DGKD: variants seen among roughly 807,000 people sequenced by gnomAD.
DGKD encodes the protein DAG kinase delta.
In DGKD, 68 loss-of-function variants were observed where a neutral mutation model predicts 154.4. The observed-to-expected ratio is 0.44, with a 90% confidence interval of 0.36 to 0.54. The LOEUF is 0.54. Among genes scored for constraint, DGKD ranks in the 20% least tolerant of loss-of-function variants. DGKD has a pLI of 0.00. For missense variants in DGKD, 1,343 were observed against 1,593.6 expected (o/e 0.84, Z 2.68); for synonymous variants, 693 against 638.0 (o/e 1.09, Z -1.30).
Position 233,388,246 on chromosome 2 carries a change from T to A in DGKD, c.157-11T>A. The A allele has an allele frequency of 6.2e-7, 1 of 1,608,436 alleles. No individual in the cohort carries two copies. Among genetic ancestry groups the A allele is most frequent in the Non-Finnish European group, 8.5e-7 (1 of 1,178,642 alleles). On this transcript the variant is annotated splice_polypyrimidine_tract_variant and intron_variant, in intron 1 of 29. Coordinates refer to ENST00000264057, the MANE Select transcript of DGKD (RefSeq NM_152879.3). ...AAACGCAAGTTTATGAATATGTTTC[T>A]GTACTTTCAGACCATCATCAAAGAG...
chr2:233,447,831 C>T (rs533667744), intron 12 of DGKD: 351 of 1,295,342 alleles, frequency 2.7e-4, no homozygotes, highest in Middle Eastern at 1.2e-3. Context: ...GTGCTGGGAT[C>T]GCAGACTGAA....
intron 3 of DGKD, among the ~76,000 whole-genome samples, chr2:233,424,144 C>T (rs1208390712): frequency 2.0e-5 from 3 of 152,170 alleles, no homozygotes; most frequent in Admixed American, 6.5e-5. Context: ...TTGTGGTCCC[C>T]GGGCCTCACA....
At chr2:233,359,245 C>T (rs1410348627) in intron 1 of DGKD, among the ~76,000 whole-genome samples, 1 of 152,178 alleles carries the variant, frequency 6.6e-6, no homozygotes, top group East Asian at 1.9e-4. Context: ...GTGGTTTCCT[C>T]ATCTGTAAAC....
At chr2:233,444,193 G>A (rs1362332271) in intron 10 of DGKD, among the ~76,000 whole-genome samples, 2 of 151,946 alleles carry the variant, frequency 1.3e-5, no homozygotes, top group Non-Finnish European at 2.9e-5. Flanking sequence ...CCTTTCCTTC[G>A]AGTCTGAAAA....
At chr2:233,382,190 TGGCACTGCACTCCAGCCTGG>T (rs1702938778) in intron 1 of DGKD, among the ~76,000 whole-genome samples, 1 of 152,128 alleles carries the variant, frequency 6.6e-6, no homozygotes, top group African/African-American at 2.4e-5. Flanking sequence ...GCCAAGATTG[TGGCACTGCACTCCAGCCTGG>T]GCGACAGAGC....
intron 1 of DGKD, among the ~76,000 whole-genome samples, chr2:233,378,745 G>A (rs777119763): frequency 6.6e-6 from 1 of 152,132 alleles, no homozygotes; most frequent in Non-Finnish European, 1.5e-5. Flanking sequence ...TTTCTTTAAA[G>A]ATTAGGGATA....
Position 233,436,361 on chromosome 2 carries a change from G to A in DGKD, c.739G>A (p.Ala247Thr), listed in dbSNP as rs761121633. The A allele has an allele frequency of 1.7e-5, 27 of 1,614,084 alleles. No individual in the cohort carries two copies. The highest frequency in any genetic ancestry group is 2.2e-5 in the Non-Finnish European group (26 of 1,180,042). The stretch of plus-strand genomic sequence containing the variant: ...GTTGGAAGGAAACCTACCTGTGAGC[G>A]CCAAGTGCACTGTGTGCGACAAGAC... The part of the protein sequence containing the change: ...QWLEGNLPVS[A>T]KCTVCDKTCG... The change falls in exon 7 of 30, where the codon GCC (alanine) becomes ACC (threonine). Residue 247 changes from alanine to threonine, a missense_variant. Transcript: ENST00000264057.
chr2:233,385,284 T>TG (rs1559488877), intron 1 of DGKD, among the ~76,000 whole-genome samples: 2 of 152,180 alleles, frequency 1.3e-5, no homozygotes, highest in Non-Finnish European at 1.5e-5. Context: ...GTCGGGTCAG[T>TG]GGGTGGCCGT....
chr2:233,433,739 G>A (rs1312345566), intron 3 of DGKD, among the ~76,000 whole-genome samples: 2 of 152,108 alleles, frequency 1.3e-5, no homozygotes, highest in Admixed American at 1.3e-4. Context: ...AAAGAACGTT[G>A]ATGTATTTCT....
intron 1 of DGKD, among the ~76,000 whole-genome samples, chr2:233,355,422 G>A (rs1701491523): frequency 6.6e-6 from 1 of 152,222 alleles, no homozygotes; most frequent in African/African-American, 2.4e-5. Flanking sequence ...AGGTGAGCCC[G>A]CCCGGTTAGA....
chr2:233,427,558 T>G (rs111266216), intron 3 of DGKD, among the ~76,000 whole-genome samples: 5 of 152,162 alleles, frequency 3.3e-5, no homozygotes, highest in African/African-American at 9.7e-5. Flanking sequence ...GCCAGGCTGG[T>G]CTCGAACTCC....
intron 1 of DGKD, among the ~76,000 whole-genome samples, chr2:233,367,962 G>A (rs1184451144): frequency 1.3e-5 from 2 of 150,192 alleles, no homozygotes; most frequent in African/African-American, 4.9e-5. Flanking sequence ...AAAGTTCTGG[G>A]ATTACAGGCA....
chr2:233,436,071 G>C (rs958433844), intron 6 of DGKD, 147 bp downstream of exon 6: 62 of 1,045,368 alleles, frequency 5.9e-5, no homozygotes, highest in Admixed American at 1.4e-4. Flanking sequence ...AATTATATGC[G>C]GTCTCCGTGT....
chr2:233,469,441 C>T lies in DGKD; in HGVS notation c.3626C>T (p.Ala1209Val), dbSNP rs756237209. 6.2e-7 allele frequency: 1 copy of T among 1,603,890 alleles called. No individual in the cohort carries two copies. The highest frequency in any genetic ancestry group is 8.5e-7 in the Non-Finnish European group (1 of 1,176,280). ...LCGIKELSRS[A>V]PAVEA ...GGCATCAAGGAGCTGAGCCGCAGCG[C>T]CCCCGCCGTCGAGGCCTAGCCTCTG... The change falls in exon 30 of 30, where the codon GCC (alanine) becomes GTC (valine). Residue 1209 changes from alanine to valine, a missense_variant. Physicochemically the swap from Ala to Val is moderately conservative, Grantham distance 64 (BLOSUM62 0). Coordinates refer to ENST00000264057, the MANE Select transcript of DGKD (RefSeq NM_152879.3).
chr2:233,451,728 A>G (rs573831575), intron 17 of DGKD, among the ~76,000 whole-genome samples: 1 of 152,070 alleles, frequency 6.6e-6, no homozygotes, highest in Non-Finnish European at 1.5e-5. Context: ...CTTAGAAGCC[A>G]TTTTTTTGTG....
At chr2:233,383,152 T>C (rs1460502368) in intron 1 of DGKD, among the ~76,000 whole-genome samples, 1 of 152,062 alleles carries the variant, frequency 6.6e-6, no homozygotes, top group Non-Finnish European at 1.5e-5. Context: ...GCGATTCTTA[T>C]GTCCCAGCCA....
chr2:233,461,453 G>T (rs369949548), intron 24 of DGKD, among the ~76,000 whole-genome samples: 15 of 152,236 alleles, frequency 9.9e-5, no homozygotes, highest in African/African-American at 3.1e-4. Context: ...GGCGTTCCTC[G>T]CTCTGCACTT....
Position 233,354,731 on chromosome 2 carries a change from C to A in DGKD, c.156+57C>A. 1.0e-6 allele frequency: 1 copy of A among 961,068 alleles called. No individual in the cohort carries two copies. Among genetic ancestry groups the A allele is most frequent in the Non-Finnish European group, 1.2e-6 (1 of 810,786 alleles). The allele number at this position is 961,068 out of a possible 1,614,324, so 59.5% of individuals were successfully genotyped here. On this transcript the variant is annotated intron_variant, in intron 1 of 29. Coordinates refer to ENST00000264057, the MANE Select transcript of DGKD (RefSeq NM_152879.3). The surrounding 1 kb of genome is among the most constrained non-coding windows in gnomAD (Gnocchi z 4.8). ...GCCCCTCACGCCGCGGCAGCCCCGGCCGAGGCCCGTGGCCCTGCCCGAGCG... is the reference window on the plus strand; with the variant it reads ...GCCCCTCACGCCGCGGCAGCCCCGGACGAGGCCCGTGGCCCTGCCCGAGCG...
rs147353158 is a variant in DGKD at position 233,417,945 on chromosome 2, G to A, written c.349-16435G>A. Among the ~76,000 whole-genome samples, 1,017 of 152,296 alleles carry A rather than the reference G, an allele frequency of 6.7e-3. 28 individuals carry two copies. The highest frequency in any genetic ancestry group is 0.048 in the Admixed American group (727 of 15,300). On this transcript the variant is annotated intron_variant, in intron 3 of 29. Transcript: ENST00000264057. ...TGTTGTGCGACAGCCTCACAACAAA[G>A]AATTATTTGGCTCAAAATGTCAATA... is the stretch of plus-strand genomic sequence containing the variant.
Sources: allele counts gnomAD v4.1 joint callset (sites outside exome capture counted in the v4.1 genomes callset), GRCh38; gene constraint gnomAD v4.1.1; non-coding constraint Gnocchi (gnomAD v3.1); transcripts MANE v1.5; gene names NCBI Gene and HGNC (gene_info 2026-07-23, HGNC 2026-07-21).